The following UGT1A3 variants were observed in gnomAD, a reference collection of about 807,000 sequenced individuals.
The protein encoded by UGT1A3 is UDP glucuronosyltransferase family 1 member A3.
UGT1A3 carries 31 observed loss-of-function variants against 41.0 expected under a neutral mutation model. The ratio of observed to expected loss-of-function variants is 0.76; its 90% CI spans 0.57 to 1.02. The LOEUF is 1.02. UGT1A3 is among the 50% of genes least tolerant of loss of function. The pLI is 0.00. For missense variants in UGT1A3, 737 were observed against 671.0 expected (o/e 1.10, Z -1.09); for synonymous variants, 262 against 257.6 (o/e 1.02, Z -0.17).
intron 1 of UGT1A3, chr2:233,739,100 G>A (rs1263190228): frequency 1.3e-5 from 2 of 152,274 alleles, no homozygotes; most frequent in African/African-American, 4.8e-5. Flanking sequence ...TCGATGTGGT[G>A]TTGGGCCTGC....
chr2:233,755,221 C>G, intron 1 of UGT1A3: 1 of 995,834 alleles, frequency 1.0e-6, no homozygotes. Flanking sequence ...TTGATACCCT[C>G]GGACGAGGCC....
chr2:233,744,892 C>A (rs28900378), intron 1 of UGT1A3, among the ~76,000 whole-genome samples: 2 of 151,832 alleles, frequency 1.3e-5, no homozygotes, highest in Non-Finnish European at 2.9e-5. Flanking sequence ...ACCCTCCTCT[C>A]CATACCAAAA....
At position 233,772,385 on chromosome 2, in the gene UGT1A3, C is replaced by A. The variant is rs28900406; in HGVS notation, c.1431C>A (p.Pro477=). ...ACAAGGGCGCGCCACACCTGCGCCCCGCAGCCCACGACCTCACCTGGTACC... is the reference window on the plus strand; with the variant it reads ...ACAAGGGCGCGCCACACCTGCGCCCAGCAGCCCACGACCTCACCTGGTACC... ...MRHKGAPHLR[P]AAHDLTWYQY... is the part of the protein sequence containing the mutation. The change falls in exon 5 of 5, where the codon CCC becomes CCA. Residue 477 remains proline (P), a synonymous_variant. Transcript: ENST00000482026. 3 of 1,614,128 alleles carry A rather than the reference C, an allele frequency of 1.9e-6. No individual in the cohort carries two copies. The African/African-American group carries it at 4.0e-5, about 22-fold the overall frequency.
chr2:233,757,535 A>AATATATATACATATACATATATAT lies in UGT1A3; in HGVS notation c.868-9490_868-9489insCATATACATATATATATATATATA, dbSNP rs376887521. Among the ~76,000 whole-genome samples, 332 of 87,516 alleles carry AATATATATACATATACATATATAT rather than the reference A, an allele frequency of 3.8e-3. 5 individuals are homozygous for AATATATATACATATACATATATAT. Among genetic ancestry groups the AATATATATACATATACATATATAT allele is most frequent in the Middle Eastern group, 0.012 (2 of 168 alleles). The allele number at this position is 87,516 out of a possible 152,430, so 57.4% of individuals were successfully genotyped here. A position where few individuals can be genotyped will look rare whatever the true frequency, so the allele number is the denominator to read the frequency against. Reference sequence around the variant, plus strand: ...CAAAGCCAAAATCTTGCCTGTAAGGAATATATATATATATATATATATATA... The same window carrying AATATATATACATATACATATATAT: ...CAAAGCCAAAATCTTGCCTGTAAGGAATATATATACATATACATATATATATATATATATATATATATATATATA... On this transcript the variant is annotated intron_variant, in intron 1 of 4. Transcript: ENST00000482026.
At chr2:233,746,881 A>T (rs1422259027) in intron 1 of UGT1A3, among the ~76,000 whole-genome samples, 1 of 151,740 alleles carries the variant, frequency 6.6e-6, no homozygotes, top group Non-Finnish European at 1.5e-5. Context: ...TGGTTAACAG[A>T]GAAGTAGGAG....
intron 1 of UGT1A3, among the ~76,000 whole-genome samples, chr2:233,757,579 A>G (rs962970301): frequency 1.1e-5 from 1 of 92,092 alleles, no homozygotes; most frequent in Non-Finnish European, 2.2e-5. Flanking sequence ...TGATATAGCT[A>G]TAGTCTAATA....
At chr2:233,730,554 A>G (rs1442636181) in intron 1 of UGT1A3, among the ~76,000 whole-genome samples, 1 of 152,192 alleles carries the variant, frequency 6.6e-6, no homozygotes, top group Non-Finnish European at 1.5e-5. Context: ...CTGTGATTAG[A>G]GAATGACACA....
chr2:233,750,143 G>C (rs1694374277), intron 1 of UGT1A3, among the ~76,000 whole-genome samples: 1 of 151,908 alleles, frequency 6.6e-6, no homozygotes, highest in Admixed American at 6.5e-5. Context: ...GAACTTCCTA[G>C]AGACTTGTTG....
rs192599700 is a variant in UGT1A3, at chr2:233,747,215, T to C, written c.867+17222T>C. 3.6e-4 allele frequency: 574 copies of C among 1,605,522 alleles called. 5 individuals are homozygous for C. In the East Asian group the frequency reaches 0.012, roughly 33 times the overall value. On this transcript the variant is annotated intron_variant, in intron 1 of 4. Coordinates refer to ENST00000482026, the MANE Select transcript of UGT1A3 (RefSeq NM_019093.4). ...CAGCTGTCCGTGTCTTCTGCTGAGA[T>C]GGCCACAGGACCCCAGGTTCCCCTG...
chr2:233,753,217 G>T (rs1387240791), intron 1 of UGT1A3: 10 of 152,116 alleles, frequency 6.6e-5, no homozygotes, highest in Admixed American at 6.5e-4. Flanking sequence ...GTCTTATTTT[G>T]ATACTTCTTG....
At chr2:233,730,738 C>A (rs998277069) in intron 1 of UGT1A3, among the ~76,000 whole-genome samples, 1 of 152,038 alleles carries the variant, frequency 6.6e-6, no homozygotes, top group Non-Finnish European at 1.5e-5. Flanking sequence ...GCGGAAGGGG[C>A]TAGGGAGGAG....
At chr2:233,743,758 G>C (rs761738753) in intron 1 of UGT1A3, 2 of 1,367,326 alleles carry the variant, frequency 1.5e-6, no homozygotes, top group African/African-American at 1.5e-5. Flanking sequence ...ACAACACCTC[G>C]TAGGCCTCGG....
chr2:233,769,513 C>T lies in UGT1A3; in HGVS notation c.1307+1074C>T, dbSNP rs1575843812. ...TATGAGAGTGTCCATTGCTTTCTCC[C>T]ATGGTTACCTCCTTTAGAAAGAAGC... On this transcript the variant is annotated intron_variant, in intron 4 of 4. Coordinates refer to ENST00000482026, the MANE Select transcript of UGT1A3 (RefSeq NM_019093.4). This position sits in a 1 kb window ranked among gnomAD's most constrained non-coding sequence, Gnocchi z 4.4. 6.2e-7 allele frequency: 1 copy of T among 1,612,680 alleles called. No homozygotes were observed. The highest frequency in any genetic ancestry group is 8.5e-7 in the Non-Finnish European group (1 of 1,179,866).
intron 1 of UGT1A3, among the ~76,000 whole-genome samples, chr2:233,738,509 G>A (rs533932753): frequency 1.3e-5 from 2 of 152,322 alleles, no homozygotes; most frequent in African/African-American, 4.8e-5. Context: ...CCAAAATGCT[G>A]ATAATGTTGT....
At chr2:233,741,668 T>C (rs1315003933) in intron 1 of UGT1A3, 1 of 151,924 alleles carries the variant, frequency 6.6e-6, no homozygotes, top group African/African-American at 2.4e-5. Context: ...GTTCCTGCTG[T>C]TTATTGCTTG....
At chr2:233,747,683 T>C (rs1401123315) in intron 1 of UGT1A3, 4 of 1,608,556 alleles carry the variant, frequency 2.5e-6, no homozygotes, top group Middle Eastern at 1.7e-4. Flanking sequence ...TTTACCTCTG[T>C]GGGGCAGTGC....
At chr2:233,747,962 C>A (rs780665543) in intron 1 of UGT1A3, 1 of 1,613,470 alleles carries the variant, frequency 6.2e-7, no homozygotes, top group Middle Eastern at 1.7e-4. Flanking sequence ...ATCTTCTCAG[C>A]CATGCATCTG....
At chr2:233,760,524 C>A in intron 1 of UGT1A3, 1 of 1,614,240 alleles carries the variant, frequency 6.2e-7, no homozygotes, top group Non-Finnish European at 8.5e-7. Context: ...TGAAGACGTA[C>A]CCTGTGCCAT....
At chr2:233,738,830 G>A (rs1258075165) in intron 1 of UGT1A3, 1 of 152,196 alleles carries the variant, frequency 6.6e-6, no homozygotes, top group African/African-American at 2.4e-5. Context: ...AAATAAGGAG[G>A]AACCAAATGT....
Sources: allele counts gnomAD v4.1 joint callset (sites outside exome capture counted in the v4.1 genomes callset), GRCh38; gene constraint gnomAD v4.1.1; non-coding constraint Gnocchi (gnomAD v3.1); transcripts MANE v1.5; gene names NCBI Gene and HGNC (gene_info 2026-07-23, HGNC 2026-07-21).